Variants in PKD1L1 observed in about 807,000 individuals in gnomAD.
PKD1L1 encodes polycystin 1 like 1, transient receptor potential channel interacting.
Under a neutral mutation model 323.4 loss-of-function variants are expected in PKD1L1, and 236 were observed. The ratio of observed to expected loss-of-function variants is 0.73; its 90% CI spans 0.66 to 0.81. The LOEUF is 0.81. PKD1L1 is among the 40% of genes least tolerant of loss of function. The pLI is 0.00. For missense variants in PKD1L1, 3,320 were observed against 3,508.0 expected (o/e 0.95, Z 1.35); for synonymous variants, 1,344 against 1,335.0 (o/e 1.01, Z -0.15).
chr7:47,943,663 T>A, intron 1 of PKD1L1, 152 bp from the exon 2 acceptor site: 1 of 614,806 alleles, frequency 1.6e-6, no homozygotes, highest in Non-Finnish European at 2.9e-6. Flanking sequence ...AAGACTCGCA[T>A]CTATGGTTCT....
Position 47,904,516 on chromosome 7 carries a change from G to C in PKD1L1, c.1793C>G (p.Ser598Cys), listed in dbSNP as rs767521719. Reference protein sequence around the residue: ...QKKIVANRLTSPSSALVNASV... With the variant: ...QKKIVANRLTCPSSALVNASV... ...GGCATTTACCAGAGCTGAGGAGGGGGACGTGAGCCGATTGGCCACAATTTT... is the reference window on the plus strand; with the variant it reads ...GGCATTTACCAGAGCTGAGGAGGGGCACGTGAGCCGATTGGCCACAATTTT... The change falls in exon 12 of 57, where the codon TCC becomes TGC. Residue 598 changes from serine (S) to cysteine (C), a missense_variant. Transcript: ENST00000289672. 6.2e-7 allele frequency: 1 copy of C among 1,614,026 alleles called. No individual in the cohort carries two copies. The highest frequency in any genetic ancestry group is 8.5e-7 in the Non-Finnish European group (1 of 1,180,038).
In PKD1L1 at chr7:47,885,986, A is replaced by C. The variant is rs1786675563; in HGVS notation, c.2905T>G (p.Leu969Val). ...CCAGGCTCAGTGGGCAGCAGGTTTA[A>C]CTGTGATGACTCTGAAATGGCACCG... ...GLGAISESSQ[L>V]NLLPTEPGTA... Residue 969 changes from leucine (L) to valine (V), a missense_variant, in exon 18 of 57, where the codon TTA becomes GTA. Leu to Val is a conservative substitution (Grantham distance 32). Transcript: ENST00000289672. 6.2e-7 allele frequency: 1 copy of C among 1,614,034 alleles called. No homozygotes were observed. The highest frequency in any genetic ancestry group is 1.7e-5 in the Admixed American group (1 of 59,996).
intron 26 of PKD1L1, among the ~76,000 whole-genome samples, chr7:47,863,573 C>G (rs1786082239): frequency 6.6e-6 from 1 of 151,982 alleles, no homozygotes; most frequent in African/African-American, 2.4e-5. Context: ...AAGAGCGTGT[C>G]CCCCAAAGCA....
rs1347112837 is a variant in PKD1L1, at chr7:47,936,644, T to C, written c.398+202A>G. Among the ~76,000 whole-genome samples, 11 of 152,222 alleles carry C rather than the reference T, an allele frequency of 7.2e-5. No homozygotes were observed. The South Asian group carries it at 8.3e-4, about 11-fold the overall frequency. ...TCTACGGCTCCCAGCATTCGGGGGT[T>C]TGTCATACTACCTGTTCTACTCCTG... On this transcript the variant is annotated intron_variant, in intron 4 of 56. Transcript: ENST00000289672.
chr7:47,883,121 A>C (rs1388259352), intron 19 of PKD1L1, among the ~76,000 whole-genome samples: 1 of 152,238 alleles, frequency 6.6e-6, no homozygotes, highest in East Asian at 1.9e-4. Flanking sequence ...GTGAGTACGA[A>C]TGTGAGCCTC....
At chr7:47,958,344 G>A in the PKD1L1 span, among the ~76,000 whole-genome samples, 1 of 152,108 alleles carries the variant, frequency 6.6e-6, no homozygotes, top group African/African-American at 2.4e-5. Context: ...TGAAAAGAAA[G>A]TACAGTCTTT....
chr7:47,792,552 C>G, intron 56 of PKD1L1, 75 bp downstream of exon 56: 1 of 1,418,880 alleles, frequency 7.0e-7, no homozygotes, highest in Non-Finnish European at 9.6e-7. Context: ...TTTGGAAAAA[C>G]AACTATTCCA....
At chr7:47,877,797 C>T (rs1786442977) in intron 21 of PKD1L1, among the ~76,000 whole-genome samples, 166 bp from the exon 22 acceptor site, 1 of 152,114 alleles carries the variant, frequency 6.6e-6, no homozygotes, top group Admixed American at 6.5e-5. Flanking sequence ...GATTCTGGAG[C>T]CCCACCCTAG....
intron 7 of PKD1L1, among the ~76,000 whole-genome samples, chr7:47,917,446 G>C (rs1318834894): frequency 6.6e-6 from 1 of 152,174 alleles, no homozygotes; most frequent in African/African-American, 2.4e-5. Context: ...AGCCTTGCTA[G>C]AGACCCAGAC....
In PKD1L1 at chr7:47,840,718, T is replaced by A. The variant is rs1785548974; in HGVS notation, c.5446-151A>T. The A allele has an allele frequency of 1.7e-6, 1 of 604,028 alleles. No individual in the cohort carries two copies. The allele number at this position is 604,028 out of a possible 1,614,324, so 37.4% of individuals were successfully genotyped here. A position where few individuals can be genotyped will look rare whatever the true frequency, so the allele number is the denominator to read the frequency against. On this transcript the variant is annotated intron_variant, in intron 34 of 56. Transcript: ENST00000289672. This position sits in a 1 kb window ranked among gnomAD's most constrained non-coding sequence, Gnocchi z 4.1. ...AGTGCCACAGCCTAGAGCCAGGGGA[T>A]GAGTGGGCACGTCCAGTCCCAGGCT...
rs528489905 is a variant in PKD1L1, at chr7:47,839,487, G to A, written c.5728C>T (p.Arg1910Trp). Residue 1910 changes from arginine (R) to tryptophan (W), a missense_variant, in exon 36 of 57, where the codon CGG becomes TGG. Coordinates refer to ENST00000289672, the MANE Select transcript of PKD1L1 (RefSeq NM_138295.5). The surrounding 1 kb of genome is among the most constrained non-coding windows in gnomAD (Gnocchi z 4.3). ...SAGRHDGRVE[R>W]ELTCLQGGLG... The stretch of plus-strand genomic sequence containing the variant: ...CCCCCTTGCAGACAGGTGAGCTCCC[G>A]CTCCACGCGACCATCATGCCTGCCG... 46 of 1,612,262 alleles carry A rather than the reference G, an allele frequency of 2.9e-5. No individual in the cohort carries two copies. The highest frequency in any genetic ancestry group is 2.5e-4 in the South Asian group (23 of 90,630).
chr7:47,868,480 A>G (rs1375283629), intron 24 of PKD1L1, among the ~76,000 whole-genome samples: 1 of 152,238 alleles, frequency 6.6e-6, no homozygotes, highest in East Asian at 1.9e-4. Context: ...ACTTAAAGCC[A>G]CAGGAAGATA....
At chr7:47,908,021 C>T in intron 9 of PKD1L1, 56 bp downstream of exon 9, 3 of 1,550,668 alleles carry the variant, frequency 1.9e-6, no homozygotes, top group South Asian at 1.2e-5. Flanking sequence ...AGCGGAGATA[C>T]CCTGCTTCAT....
At chr7:47,862,288 A>G (rs1023771678) in intron 26 of PKD1L1, among the ~76,000 whole-genome samples, 1 of 152,198 alleles carries the variant, frequency 6.6e-6, no homozygotes, top group African/African-American at 2.4e-5. Flanking sequence ...TGTGTTGCTT[A>G]TAAAGACAGA....
intron 48 of PKD1L1, 92 bp from the exon 49 acceptor site, chr7:47,813,385 C>T (rs1446595223): frequency 7.7e-7 from 1 of 1,297,146 alleles, no homozygotes; most frequent in Non-Finnish European, 1.1e-6. Context: ...CATGTGAACA[C>T]CTGCTCTGTC....
chr7:47,818,434 G>A (rs536850639), intron 46 of PKD1L1, among the ~76,000 whole-genome samples: 13 of 152,342 alleles, frequency 8.5e-5, no homozygotes, highest in African/African-American at 2.9e-4. Flanking sequence ...AAAGAATAAA[G>A]TATAGACATT....
At chr7:47,791,251 T>C (rs558392481) in intron 56 of PKD1L1, among the ~76,000 whole-genome samples, 64 of 152,320 alleles carry the variant, frequency 4.2e-4, no homozygotes, top group Non-Finnish European at 8.4e-4. Context: ...GATTTCCATG[T>C]GTATTACTTT....
chr7:47,932,833 A>G (rs1748263667), intron 4 of PKD1L1, among the ~76,000 whole-genome samples: 1 of 152,118 alleles, frequency 6.6e-6, no homozygotes, highest in South Asian at 2.1e-4. Context: ...AAAATCCAAG[A>G]CAAGTATTTC....
chr7:47,828,305 T>C (rs912623004), intron 44 of PKD1L1, among the ~76,000 whole-genome samples: 26 of 151,804 alleles, frequency 1.7e-4, no homozygotes, highest in African/African-American at 6.3e-4. Context: ...CCTCTGAGGT[T>C]GGGATGATAG....
Sources: allele counts gnomAD v4.1 joint callset (sites outside exome capture counted in the v4.1 genomes callset), GRCh38; gene constraint gnomAD v4.1.1; non-coding constraint Gnocchi (gnomAD v3.1); transcripts MANE v1.5; gene names NCBI Gene and HGNC (gene_info 2026-07-23, HGNC 2026-07-21).